SNAP25: variants seen among roughly 807,000 people sequenced by gnomAD.
SNAP25 encodes the protein synaptosomal-associated protein 25.
A neutral mutation model predicts 28.7 loss-of-function variants in SNAP25; 3 were observed. The observed-to-expected ratio is 0.10, with a 90% confidence interval of 0.05 to 0.27. The LOEUF (loss-of-function observed/expected upper bound fraction) is 0.27, where lower values mean the gene tolerates loss of function less well. Among genes scored for constraint, SNAP25 ranks in the 10% least tolerant of loss-of-function variants. SNAP25 has a pLI of 1.00. For missense variants in SNAP25, 117 were observed against 278.7 expected (o/e 0.42, Z 4.13); for synonymous variants, 61 against 88.1 (o/e 0.69, Z 1.72).
intron 1 of SNAP25, among the ~76,000 whole-genome samples, chr20:10,255,347 GT>G (rs1233385672): frequency 2.6e-5 from 4 of 152,168 alleles, no homozygotes; most frequent in Non-Finnish European, 1.5e-5. Flanking sequence ...CCTCTTGTAT[GT>G]TTCCTTCCAA....
intron 1 of SNAP25, among the ~76,000 whole-genome samples, chr20:10,220,704 C>T (rs533198373): frequency 2.2e-4 from 33 of 152,076 alleles, no homozygotes; most frequent in African/African-American, 7.7e-4. Flanking sequence ...GAGTCATTAG[C>T]AAAAAAGAGT....
At chr20:10,299,522 G>T in intron 7 of SNAP25, 110 bp downstream of exon 7, 2 of 1,053,094 alleles carry the variant, frequency 1.9e-6, no homozygotes, top group Non-Finnish European at 2.7e-6. Flanking sequence ...GGATTCAGGC[G>T]CACTGATAGC....
chr20:10,291,239 A>T (rs768671021), intron 4 of SNAP25, among the ~76,000 whole-genome samples: 1 of 151,764 alleles, frequency 6.6e-6, no homozygotes, highest in African/African-American at 2.4e-5. Flanking sequence ...ACGCCCAGAA[A>T]TTTTTTTTGT....
chr20:10,298,857 A>C (rs2064169484), intron 6 of SNAP25, among the ~76,000 whole-genome samples: 1 of 152,196 alleles, frequency 6.6e-6, no homozygotes, highest in Non-Finnish European at 1.5e-5. Flanking sequence ...TTGAGACTTA[A>C]TTTGAGTCTT....
rs557977949 is a variant in SNAP25, at chr20:10,293,538, A to G, written c.281+260A>G. 5.3e-5 allele frequency among the ~76,000 whole-genome samples: 8 copies of G among 152,354 alleles called. No homozygotes were observed. The highest frequency in any genetic ancestry group is 1.9e-4 in the African/African-American group (8 of 41,578). On this transcript the variant is annotated intron_variant, in intron 5 of 7. Transcript: ENST00000254976. This position sits in a 1 kb window ranked among gnomAD's most constrained non-coding sequence, Gnocchi z 5.6. ...ATGAACGTTTCAACATTTTCCAGAAAGTGTACCTTGAGACAGAGGCTAGCC... is the reference window on the plus strand; with the variant it reads ...ATGAACGTTTCAACATTTTCCAGAAGGTGTACCTTGAGACAGAGGCTAGCC...
chr20:10,221,274 C>T (rs2062628808), intron 1 of SNAP25, among the ~76,000 whole-genome samples: 2 of 152,020 alleles, frequency 1.3e-5, no homozygotes, highest in African/African-American at 2.4e-5. Context: ...AGTAGAGGAC[C>T]GCAGTGAAGA....
intron 1 of SNAP25, among the ~76,000 whole-genome samples, chr20:10,249,870 G>A (rs1007980716): frequency 6.6e-6 from 1 of 152,134 alleles, no homozygotes; most frequent in Admixed American, 6.5e-5. Flanking sequence ...AAACCCTTTA[G>A]GTCTAGTGTT....
chr20:10,285,509 T>A (rs2063858282), intron 4 of SNAP25, among the ~76,000 whole-genome samples: 1 of 152,252 alleles, frequency 6.6e-6, no homozygotes, highest in Admixed American at 6.5e-5. Context: ...CCGTTCTGAA[T>A]TCTTATCATA....
chr20:10,280,888 T>C (rs1193960133), intron 3 of SNAP25, among the ~76,000 whole-genome samples: 1 of 148,764 alleles, frequency 6.7e-6, no homozygotes, highest in Non-Finnish European at 1.5e-5. Flanking sequence ...TGCCAAACTT[T>C]CCCCTAAAAA....
chr20:10,254,919 T>C (rs1375720776), intron 1 of SNAP25, among the ~76,000 whole-genome samples: 1 of 152,164 alleles, frequency 6.6e-6, no homozygotes, highest in Non-Finnish European at 1.5e-5. Context: ...CTAGCTTCCC[T>C]CTTCAGCTCA....
chr20:10,263,959 TAAGTA>T (rs1339355522), intron 1 of SNAP25, among the ~76,000 whole-genome samples: 1 of 152,130 alleles, frequency 6.6e-6, no homozygotes, highest in Non-Finnish European at 1.5e-5. Flanking sequence ...CTTTGGCTCC[TAAGTA>T]AACAATCAGG....
chr20:10,228,885 C>G (rs1035301703), intron 1 of SNAP25, among the ~76,000 whole-genome samples: 1 of 152,118 alleles, frequency 6.6e-6, no homozygotes. Flanking sequence ...AAAAACAAGT[C>G]TTGGTATCAC....
chr20:10,289,670 A>T (rs886360488), intron 4 of SNAP25, among the ~76,000 whole-genome samples: 1 of 149,372 alleles, frequency 6.7e-6, no homozygotes. Flanking sequence ...AATGAAATTC[A>T]TAGAGGCAGC....
chr20:10,245,293 G>C (rs919508766), intron 1 of SNAP25, among the ~76,000 whole-genome samples: 1 of 152,092 alleles, frequency 6.6e-6, no homozygotes, highest in East Asian at 1.9e-4. Flanking sequence ...GAATTCAGAC[G>C]GTCTTTGGTT....
chr20:10,245,591 C>T (rs555771529), intron 1 of SNAP25, among the ~76,000 whole-genome samples: 9 of 152,240 alleles, frequency 5.9e-5, no homozygotes, highest in African/African-American at 1.4e-4. Flanking sequence ...TTCAAAGTAT[C>T]GCATTTACAG....
intron 1 of SNAP25, among the ~76,000 whole-genome samples, chr20:10,223,425 A>G (rs933323223): frequency 1.3e-5 from 2 of 152,208 alleles, no homozygotes; most frequent in Admixed American, 6.5e-5. Context: ...GCTATAAGGT[A>G]TCAAGAGACT....
intron 1 of SNAP25, among the ~76,000 whole-genome samples, chr20:10,243,169 C>T (rs1600670978): frequency 6.6e-6 from 1 of 152,144 alleles, no homozygotes; most frequent in Middle Eastern, 3.2e-3. Context: ...ATCCAGAAGC[C>T]CAGGTCGTAT....
intron 1 of SNAP25, among the ~76,000 whole-genome samples, chr20:10,269,051 A>G (rs1204036494): frequency 1.4e-4 from 21 of 152,218 alleles, no homozygotes; most frequent in Admixed American, 1.4e-3. Flanking sequence ...AAAATCCTGT[A>G]GGAATAGTCA....
At position 10,274,850 on chromosome 20, in the gene SNAP25, TA is replaced by T. The variant is rs537715109; in HGVS notation, c.-63-571del. On this transcript the variant is annotated intron_variant, in intron 1 of 7. Transcript: ENST00000254976. ...AGAGCGAGACTCTGTCTCAAAAAAA[TA>T]AAAAAAAGAAAGTAGATCAGCAGTT... Among the ~76,000 whole-genome samples, 590 of 150,854 alleles carry T rather than the reference TA, an allele frequency of 3.9e-3. 3 individuals are homozygous for T. Among genetic ancestry groups the T allele is most frequent in the Non-Finnish European group, 6.4e-3 (431 of 67,650 alleles).
Sources: gnomAD v4.1 joint callset for allele counts (sites outside exome capture counted in the v4.1 genomes callset) on GRCh38, gnomAD v4.1.1 for gene constraint, Gnocchi (gnomAD v3.1) non-coding constraint, MANE v1.5 for transcripts, NCBI Gene and HGNC (gene_info 2026-07-23, HGNC 2026-07-21) for gene names.